CDC42BPA: variants seen among roughly 807,000 people sequenced by gnomAD.
CDC42BPA encodes the protein CDC42 binding protein kinase alpha.
Under a neutral mutation model 223.5 loss-of-function variants are expected in CDC42BPA, and 80 were observed. The observed-to-expected ratio is 0.36, with a 90% CI of 0.30 to 0.43. The LOEUF (loss-of-function observed/expected upper bound fraction) is 0.43, where lower values mean the gene tolerates loss of function less well. Among genes scored for constraint, CDC42BPA ranks in the 20% least tolerant of loss-of-function variants. The probability of loss-of-function intolerance (pLI) is 1.00; values close to 1 mark genes in which losing one functional copy is unlikely to be tolerated. For missense variants in CDC42BPA, 1,743 were observed against 2,099.9 expected (o/e 0.83, Z 3.32); for synonymous variants, 694 against 718.6 (o/e 0.97, Z 0.55).
intron 1 of CDC42BPA, among the ~76,000 whole-genome samples, chr1:227,290,537 T>C (rs1017162029): frequency 7.9e-5 from 12 of 152,298 alleles, no homozygotes; most frequent in Non-Finnish European, 1.5e-4. Flanking sequence ...TTATTTGTCC[T>C]AGATATACAA....
At chr1:227,045,615 T>C (rs74370925) in intron 23 of CDC42BPA, among the ~76,000 whole-genome samples, 10,524 of 152,240 alleles carry the variant, frequency 0.069, 551 homozygotes, top group East Asian at 0.25. Context: ...TTTCTCATAT[T>C]TTCTTTTCCT....
At chr1:227,036,519 C>G (rs1035771093) in intron 24 of CDC42BPA, among the ~76,000 whole-genome samples, 78 of 151,656 alleles carry the variant, frequency 5.1e-4, no homozygotes, top group Non-Finnish European at 8.5e-4. Flanking sequence ...GGCTCCGCCC[C>G]CCGGGGTTCA....
At chr1:227,148,083 T>A (rs539321956) in intron 6 of CDC42BPA, among the ~76,000 whole-genome samples, 37 of 152,094 alleles carry the variant, frequency 2.4e-4, no homozygotes, top group Non-Finnish European at 4.1e-4. Context: ...AAAGAAGAGG[T>A]ATATCCTTCA....
At chr1:227,086,198 A>T (rs1179049028) in intron 16 of CDC42BPA, among the ~76,000 whole-genome samples, 1 of 152,176 alleles carries the variant, frequency 6.6e-6, no homozygotes, top group Non-Finnish European at 1.5e-5. Flanking sequence ...ATTCTAGTAT[A>T]TGGGTATGAT....
At chr1:227,276,380 G>A (rs1202499371) in intron 1 of CDC42BPA, among the ~76,000 whole-genome samples, 5 of 150,522 alleles carry the variant, frequency 3.3e-5, no homozygotes, top group Non-Finnish European at 7.4e-5. Context: ...GAGCCCCTCC[G>A]CCCAGCAGCC....
At chr1:227,282,618 T>C (rs1264637469) in intron 1 of CDC42BPA, among the ~76,000 whole-genome samples, 1 of 152,224 alleles carries the variant, frequency 6.6e-6, no homozygotes, top group African/African-American at 2.4e-5. Flanking sequence ...TTTAAAACAG[T>C]AATACTGTTT....
intron 2 of CDC42BPA, among the ~76,000 whole-genome samples, chr1:227,230,658 G>T (rs1677678972): frequency 6.6e-6 from 1 of 151,896 alleles, no homozygotes. Flanking sequence ...ACTGATTTTT[G>T]TAAGATGATC....
Position 226,994,370 on chromosome 1 carries a change from A to G in CDC42BPA, c.5163T>C (p.Ala1721=), listed in dbSNP as rs1466664696. 4 of 1,587,150 alleles carry G rather than the reference A, an allele frequency of 2.5e-6. No individual in the cohort carries two copies. The African/African-American group carries it at 5.4e-5, about 21-fold the overall frequency. ...EDSDSPRHST[A]SNSSNLSSPP... ...GGCTGCTTAGGTTGGAACTGTTGGA[A>G]GCTGTGGAATGCCTCGGAGAGTCAG... Residue 1721 remains alanine (A), a synonymous_variant, in exon 37 of 37, where the codon GCT becomes GCC. Coordinates refer to ENST00000366766, the MANE Select transcript of CDC42BPA (RefSeq NM_001394014.1). This position sits in a 1 kb window ranked among gnomAD's most constrained non-coding sequence, Gnocchi z 4.0.
At chr1:227,309,391 T>C (rs1401404217) in intron 1 of CDC42BPA, among the ~76,000 whole-genome samples, 1 of 152,180 alleles carries the variant, frequency 6.6e-6, no homozygotes, top group Admixed American at 6.5e-5. Flanking sequence ...AATTATGTTT[T>C]CTCCTTAATA....
At chr1:227,126,881 C>T (rs1689766677) in intron 11 of CDC42BPA, among the ~76,000 whole-genome samples, 1 of 152,130 alleles carries the variant, frequency 6.6e-6, no homozygotes, top group Admixed American at 6.5e-5. Context: ...ATGTTCTTCT[C>T]ATCATTCTTC....
At chr1:227,298,803 C>T (rs1691148642) in intron 1 of CDC42BPA, among the ~76,000 whole-genome samples, 2 of 152,166 alleles carry the variant, frequency 1.3e-5, no homozygotes, top group African/African-American at 4.8e-5. Flanking sequence ...TGAAATATCT[C>T]AAACACTGCC....
chr1:227,025,987 A>C (rs547452980), intron 31 of CDC42BPA, 68 bp downstream of exon 31: 1 of 802,926 alleles, frequency 1.2e-6, no homozygotes, highest in South Asian at 1.7e-5. Context: ...AAAAAAAATT[A>C]CTATGTAGTA....
intron 14 of CDC42BPA, among the ~76,000 whole-genome samples, chr1:227,106,466 T>A (rs748811190): frequency 2.6e-5 from 4 of 152,188 alleles, no homozygotes; most frequent in Non-Finnish European, 5.9e-5. Context: ...ATTTATACTT[T>A]TTTTGTTATT....
intron 1 of CDC42BPA, among the ~76,000 whole-genome samples, chr1:227,308,979 T>C (rs555699923): frequency 2.6e-5 from 4 of 152,226 alleles, no homozygotes; most frequent in Admixed American, 2.6e-4. Flanking sequence ...TTTTCATCCA[T>C]ATAAGTAGTA....
Position 227,026,550 on chromosome 1 carries a change from T to C in CDC42BPA, c.4433-398A>G, listed in dbSNP as rs115444626. On this transcript the variant is annotated intron_variant, in intron 30 of 36. Coordinates refer to ENST00000366766, the MANE Select transcript of CDC42BPA (RefSeq NM_001394014.1). ...TAAGTGTTCTAGTCCCTGTTAAGAATGTATAATAAAGCACTGTAGCACAGT... is the reference window on the plus strand; with the variant it reads ...TAAGTGTTCTAGTCCCTGTTAAGAACGTATAATAAAGCACTGTAGCACAGT... Among the ~76,000 whole-genome samples, 924 of 152,310 alleles carry C rather than the reference T, an allele frequency of 6.1e-3. 10 individuals carry two copies. The highest frequency in any genetic ancestry group is 0.021 in the African/African-American group (862 of 41,576).
At chr1:227,118,531 T>C (rs951880806) in intron 12 of CDC42BPA, among the ~76,000 whole-genome samples, 4 of 152,098 alleles carry the variant, frequency 2.6e-5, no homozygotes, top group South Asian at 2.1e-4. Context: ...TCTCAAAATA[T>C]ATAAAAAGGA....
At chr1:227,060,084 T>C (rs746537251) in intron 21 of CDC42BPA, among the ~76,000 whole-genome samples, 6 of 138,416 alleles carry the variant, frequency 4.3e-5, no homozygotes, top group Non-Finnish European at 9.0e-5. Flanking sequence ...CAGGCTGGAG[T>C]GCAGTGGCGC....
At chr1:227,253,271 CGCGCGCGT>C (rs1682407004) in intron 2 of CDC42BPA, among the ~76,000 whole-genome samples, 2 of 152,006 alleles carry the variant, frequency 1.3e-5, no homozygotes, top group African/African-American at 2.4e-5. Flanking sequence ...AGAGAGAGCG[CGCGCGCGT>C]GCGCGTGCAT....
intron 2 of CDC42BPA, among the ~76,000 whole-genome samples, chr1:227,222,259 A>C (rs1255479743): frequency 6.6e-6 from 1 of 151,574 alleles, no homozygotes; most frequent in African/African-American, 2.4e-5. Context: ...CTGTAATCCC[A>C]GCACTTTGGG....
Sources: allele counts gnomAD v4.1 joint callset (sites outside exome capture counted in the v4.1 genomes callset), GRCh38; gene constraint gnomAD v4.1.1; non-coding constraint Gnocchi (gnomAD v3.1); transcripts MANE v1.5; gene names NCBI Gene and HGNC (gene_info 2026-07-23, HGNC 2026-07-21).